The following NCOA2 variants were observed in gnomAD, a reference collection of about 807,000 sequenced individuals.
The protein encoded by NCOA2 is nuclear receptor coactivator 2.
In NCOA2, 21 loss-of-function variants were observed where a neutral mutation model predicts 145.1. The ratio of observed to expected loss-of-function variants is 0.14; its 90% CI spans 0.10 to 0.21. The LOEUF (loss-of-function observed/expected upper bound fraction) is 0.21. Ranked by LOEUF, NCOA2 falls within the 10% of genes least tolerant of loss-of-function variation. NCOA2 has a pLI of 1.00. For synonymous variants in NCOA2, 619 were observed against 637.5 expected (o/e 0.97, Z 0.44); for missense variants, 1,472 against 1,837.6 (o/e 0.80, Z 3.64).
At chr8:70,393,266 G>C (rs1813361021) in intron 1 of NCOA2, among the ~76,000 whole-genome samples, 1 of 152,208 alleles carries the variant, frequency 6.6e-6, no homozygotes, top group African/African-American at 2.4e-5. Context: ...GAGGGCAGAA[G>C]AGCTTTGGGG....
chr8:70,451,033 T>C, the NCOA2 span, among the ~76,000 whole-genome samples: 2 of 149,618 alleles, frequency 1.3e-5, no homozygotes, highest in African/African-American at 4.9e-5. Context: ...CTGGGTAACA[T>C]GGTGAAAGCC....
chr8:70,367,233 T>G (rs896985713), intron 1 of NCOA2, among the ~76,000 whole-genome samples: 4 of 152,316 alleles, frequency 2.6e-5, no homozygotes, highest in East Asian at 1.9e-4. Context: ...CTGTTCTCAT[T>G]TCCTTCTATA....
At chr8:70,275,360 G>T (rs1260075099) in intron 2 of NCOA2, among the ~76,000 whole-genome samples, 4 of 151,954 alleles carry the variant, frequency 2.6e-5, no homozygotes, top group Non-Finnish European at 5.9e-5. Context: ...TAGTTGTTCA[G>T]CTTATTAAAG....
At chr8:70,192,878 C>G (rs1234262936) in intron 4 of NCOA2, among the ~76,000 whole-genome samples, 1 of 151,740 alleles carries the variant, frequency 6.6e-6, no homozygotes, top group Non-Finnish European at 1.5e-5. Context: ...ACCAGCCTGA[C>G]CAACATGGTG....
intron 1 of NCOA2, among the ~76,000 whole-genome samples, chr8:70,322,294 G>C (rs183331473): frequency 1.3e-5 from 2 of 151,976 alleles, no homozygotes; most frequent in African/African-American, 2.4e-5. Flanking sequence ...ATTATGCCTC[G>C]AGAGCTCTGT....
At chr8:70,448,373 G>A in the NCOA2 span, among the ~76,000 whole-genome samples, 1 of 152,122 alleles carries the variant, frequency 6.6e-6, no homozygotes, top group Non-Finnish European at 1.5e-5. Flanking sequence ...TGTGTGCACA[G>A]ACACACATAC....
intron 4 of NCOA2, among the ~76,000 whole-genome samples, chr8:70,213,101 A>AG (rs1270929678): frequency 6.6e-6 from 1 of 151,288 alleles, no homozygotes; most frequent in Non-Finnish European, 1.5e-5. Flanking sequence ...CACCAAAAAA[A>AG]AAAAAAAAAA....
the NCOA2 span, among the ~76,000 whole-genome samples, chr8:70,412,667 A>AAC: frequency 6.7e-6 from 1 of 149,246 alleles, no homozygotes; most frequent in African/African-American, 2.5e-5. Context: ...AAAAAAAAAA[A>AAC]AAAACTAGAA....
chr8:70,412,647 C>CAAAAAAAAA, the NCOA2 span, among the ~76,000 whole-genome samples: 1 of 48,298 alleles, frequency 2.1e-5, no homozygotes, highest in African/African-American at 8.3e-5. Context: ...TACTTCGTCT[C>CAAAAAAAAA]AAAAAAAAAA....
chr8:70,437,337 A>T, the NCOA2 span, among the ~76,000 whole-genome samples: 8 of 152,178 alleles, frequency 5.3e-5, no homozygotes, highest in Non-Finnish European at 7.3e-5. Context: ...GTGGATCATA[A>T]GCTCCACGGG....
intron 1 of NCOA2, among the ~76,000 whole-genome samples, chr8:70,332,307 A>C (rs916492050): frequency 6.6e-6 from 1 of 152,330 alleles, no homozygotes; most frequent in South Asian, 2.1e-4. Context: ...ACTGTGAATT[A>C]AAATGGCTAC....
intron 4 of NCOA2, among the ~76,000 whole-genome samples, chr8:70,212,612 G>A (rs930379478): frequency 6.6e-6 from 1 of 152,136 alleles, no homozygotes; most frequent in East Asian, 1.9e-4. Flanking sequence ...GGTATGAAAT[G>A]GAAAACGCTA....
intron 1 of NCOA2, among the ~76,000 whole-genome samples, chr8:70,392,281 C>T (rs1813277985): frequency 6.6e-6 from 1 of 152,198 alleles, no homozygotes; most frequent in South Asian, 2.1e-4. Context: ...GGCAACAGGA[C>T]ACTGCACAAA....
At position 70,137,200 on chromosome 8, in the gene NCOA2, C is replaced by T. The variant is rs143106851; in HGVS notation, c.3158+1003G>A. Among the ~76,000 whole-genome samples, 633 of 152,292 alleles carry T rather than the reference C, an allele frequency of 4.2e-3. 3 individuals carry two copies. Among genetic ancestry groups the T allele is most frequent in the African/African-American group, 0.014 (577 of 41,562 alleles). On this transcript the variant is annotated intron_variant, in intron 15 of 22. Transcript: ENST00000452400. ...GATTACAGGCATGCGCCACCACACC[C>T]GGCTAAGTTTTTTTGTATTTTTAGC... is the stretch of plus-strand genomic sequence containing the variant.
intron 1 of NCOA2, among the ~76,000 whole-genome samples, chr8:70,314,049 G>A (rs112209140): frequency 0.034 from 5,154 of 150,798 alleles, 291 homozygotes; most frequent in African/African-American, 0.12. Flanking sequence ...GCATGATGGC[G>A]GACGCCTATA....
chr8:70,185,483 G>T (rs6998609), intron 4 of NCOA2, among the ~76,000 whole-genome samples: 7 of 151,918 alleles, frequency 4.6e-5, no homozygotes, highest in Non-Finnish European at 8.8e-5. Context: ...AGGGAGAATG[G>T]GGCTGAGAGG....
chr8:70,438,591 T>C, the NCOA2 span, among the ~76,000 whole-genome samples: 4 of 152,224 alleles, frequency 2.6e-5, no homozygotes, highest in African/African-American at 9.6e-5. Flanking sequence ...TTACATGTTT[T>C]ATAAATTGTG....
intron 1 of NCOA2, among the ~76,000 whole-genome samples, chr8:70,358,379 A>G (rs1405042684): frequency 1.3e-5 from 2 of 152,242 alleles, no homozygotes; most frequent in African/African-American, 4.8e-5. Flanking sequence ...CAAAGCTATC[A>G]TAATCAAAAC....
intron 9 of NCOA2, among the ~76,000 whole-genome samples, chr8:70,160,997 TAA>T (rs1360271233): frequency 6.6e-6 from 1 of 152,232 alleles, no homozygotes; most frequent in Non-Finnish European, 1.5e-5. Flanking sequence ...CTGTGATCCC[TAA>T]AGATTTTCAT....
Sources: allele counts gnomAD v4.1 joint callset (sites outside exome capture counted in the v4.1 genomes callset), GRCh38; gene constraint gnomAD v4.1.1; transcripts MANE v1.5; gene names NCBI Gene and HGNC (gene_info 2026-07-23, HGNC 2026-07-21).